Variants in GRM5 observed in about 807,000 individuals in gnomAD.
GRM5 encodes the protein glutamate metabotropic receptor 5.
GRM5 carries 19 observed loss-of-function variants against 83.1 expected under a neutral mutation model. That is an observed-to-expected ratio of 0.23 (90% CI 0.16 to 0.34). The LOEUF is 0.34. GRM5 is among the 10% of genes least tolerant of loss of function. The pLI is 1.00. For synonymous variants in GRM5, 675 were observed against 633.6 expected (o/e 1.07, Z -0.98); for missense variants, 1,160 against 1,588.3 (o/e 0.73, Z 4.58).
At chr11:88,593,950 T>G (rs12798531) in intron 6 of GRM5, among the ~76,000 whole-genome samples, 17,962 of 151,646 alleles carry the variant, frequency 0.12, 1,407 homozygotes, top group Non-Finnish European at 0.18. Flanking sequence ...CCTGCCAACT[T>G]GCCTGGCTAA....
intron 8 of GRM5, among the ~76,000 whole-genome samples, chr11:88,558,715 C>A (rs1942683686): frequency 1.4e-5 from 2 of 144,604 alleles, no homozygotes; most frequent in Non-Finnish European, 3.0e-5. Context: ...GCAGGAGAAT[C>A]GCTTGAAACT....
intron 2 of GRM5, among the ~76,000 whole-genome samples, chr11:88,851,280 G>A (rs1944386399): frequency 6.6e-6 from 1 of 152,072 alleles, no homozygotes; most frequent in African/African-American, 2.4e-5. Context: ...ATATAAGGGG[G>A]ATTGCTTTGA....
intron 4 of GRM5, among the ~76,000 whole-genome samples, chr11:88,613,781 C>A (rs1025207950): frequency 6.6e-6 from 1 of 152,104 alleles, no homozygotes; most frequent in African/African-American, 2.4e-5. Flanking sequence ...TCATGAAGAC[C>A]ACCATGATTG....
chr11:88,813,696 G>C (rs1231297119), intron 3 of GRM5, among the ~76,000 whole-genome samples: 2 of 152,060 alleles, frequency 1.3e-5, no homozygotes, highest in African/African-American at 4.8e-5. Flanking sequence ...CTGATCCATA[G>C]TATCTCTAGA....
intron 3 of GRM5, among the ~76,000 whole-genome samples, chr11:88,799,535 A>G (rs986192674): frequency 5.9e-5 from 9 of 152,260 alleles, no homozygotes; most frequent in South Asian, 4.1e-4. Flanking sequence ...GGAGTTATAT[A>G]TAATATGGAT....
chr11:88,628,118 T>G (rs1365186032), intron 4 of GRM5, among the ~76,000 whole-genome samples: 1 of 152,178 alleles, frequency 6.6e-6, no homozygotes, highest in Non-Finnish European at 1.5e-5. Flanking sequence ...AACTTCAGGA[T>G]TCAACTCAAA....
intron 8 of GRM5, among the ~76,000 whole-genome samples, chr11:88,552,987 C>T (rs1942546398): frequency 6.6e-6 from 1 of 152,196 alleles, no homozygotes; most frequent in African/African-American, 2.4e-5. Flanking sequence ...TCTGCAACTG[C>T]TTAGCTCCAG....
At chr11:88,956,608 C>A (rs1227678009) in intron 2 of GRM5, among the ~76,000 whole-genome samples, 1 of 151,838 alleles carries the variant, frequency 6.6e-6, no homozygotes, top group Non-Finnish European at 1.5e-5. Context: ...AAATCGAGAC[C>A]ATCCTGGCTA....
chr11:88,666,572 CA>C (rs1940050129), intron 3 of GRM5, among the ~76,000 whole-genome samples: 1 of 152,206 alleles, frequency 6.6e-6, no homozygotes, highest in African/African-American at 2.4e-5. Flanking sequence ...AACAACATCA[CA>C]GGGGGGATCA....
At chr11:88,978,474 T>TAAAAAAAAAAAAAAAAAAAAA (rs200343438) in intron 2 of GRM5, among the ~76,000 whole-genome samples, 8 of 97,982 alleles carry the variant, frequency 8.2e-5, no homozygotes, top group East Asian at 3.0e-4. Context: ...CAGATGAGCT[T>TAAAAAAAAAAAAAAAAAAAAA]AAAAAAAAAA....
At chr11:88,618,589 G>C (rs1260657687) in intron 4 of GRM5, among the ~76,000 whole-genome samples, 1 of 147,324 alleles carries the variant, frequency 6.8e-6, no homozygotes, top group Non-Finnish European at 1.5e-5. Context: ...ACATAAGTAA[G>C]ATGAATCTGT....
intron 2 of GRM5, among the ~76,000 whole-genome samples, chr11:89,027,121 G>A (rs1469064274): frequency 2.6e-5 from 4 of 151,084 alleles, no homozygotes; most frequent in Admixed American, 6.6e-5. Flanking sequence ...TTTTGAGATG[G>A]ACTCTCCCTC....
intron 3 of GRM5, among the ~76,000 whole-genome samples, chr11:88,833,154 A>G (rs1206692593): frequency 6.6e-6 from 1 of 152,300 alleles, no homozygotes; most frequent in Non-Finnish European, 1.5e-5. Context: ...AGTGAAGAAC[A>G]TAATCAACAG....
chr11:88,887,808 G>A (rs1490845579), intron 2 of GRM5, among the ~76,000 whole-genome samples: 1 of 152,134 alleles, frequency 6.6e-6, no homozygotes, highest in Non-Finnish European at 1.5e-5. Flanking sequence ...TAAAGAAAAA[G>A]CAGCTCATTT....
Position 88,992,271 on chromosome 11 carries a change from C to A in GRM5, c.661+54941G>T, listed in dbSNP as rs576226174. ...GCCAAAAAACACATGAAAAATTTCT[C>A]ATCATCACTGGCCATCAGAGAAATG... On this transcript the variant is annotated intron_variant, in intron 2 of 9. Coordinates refer to ENST00000305447, the MANE Select transcript of GRM5 (RefSeq NM_001143831.3). Among the ~76,000 whole-genome samples, 12 of 152,138 alleles carry A rather than the reference C, an allele frequency of 7.9e-5. No homozygotes were observed. The South Asian group carries it at 2.5e-3, about 32-fold the overall frequency.
chr11:88,644,870 G>A (rs1939396535), intron 4 of GRM5, among the ~76,000 whole-genome samples: 1 of 152,052 alleles, frequency 6.6e-6, no homozygotes, highest in Non-Finnish European at 1.5e-5. Context: ...GTGGGAGTGT[G>A]TACAGGAGAG....
chr11:88,819,023 G>A (rs751328712), intron 3 of GRM5, among the ~76,000 whole-genome samples: 11 of 152,000 alleles, frequency 7.2e-5, no homozygotes, highest in Non-Finnish European at 1.5e-4. Flanking sequence ...TCTATAATTA[G>A]TCACATTGGT....
intron 8 of GRM5, among the ~76,000 whole-genome samples, chr11:88,532,497 G>C (rs541640373): frequency 1.8e-4 from 27 of 152,256 alleles, no homozygotes; most frequent in Non-Finnish European, 3.5e-4. Flanking sequence ...AGATGGCAGA[G>C]TTTTAGGACT....
chr11:88,758,272 G>A (rs1942438443), intron 3 of GRM5, among the ~76,000 whole-genome samples: 1 of 152,126 alleles, frequency 6.6e-6, no homozygotes. Flanking sequence ...AAATTGGGTA[G>A]GAATGAAGAT....
Sources: gnomAD v4.1 joint callset for allele counts (sites outside exome capture counted in the v4.1 genomes callset) on GRCh38, gnomAD v4.1.1 for gene constraint, MANE v1.5 for transcripts, NCBI Gene and HGNC (gene_info 2026-07-23, HGNC 2026-07-21) for gene names.